SLC26A7: variants seen among roughly 807,000 people sequenced by gnomAD.
SLC26A7 encodes anion exchange transporter.
Under a neutral mutation model 82.5 loss-of-function variants are expected in SLC26A7, and 59 were observed. The ratio of observed to expected loss-of-function variants is 0.72; its 90% CI spans 0.58 to 0.89. The LOEUF (loss-of-function observed/expected upper bound fraction) is 0.89, where lower values mean the gene tolerates loss of function less well. Ranked by LOEUF, SLC26A7 falls within the 40% of genes least tolerant of loss-of-function variation. The pLI, the probability that SLC26A7 is intolerant of heterozygous loss-of-function variation, is 0.00. For missense variants in SLC26A7, 820 were observed against 793.0 expected (o/e 1.03, Z -0.41); for synonymous variants, 271 against 274.3 (o/e 0.99, Z 0.12).
intron 2 of SLC26A7, among the ~76,000 whole-genome samples, chr8:91,251,182 T>C (rs1810646940): frequency 6.6e-6 from 1 of 152,094 alleles, no homozygotes; most frequent in Non-Finnish European, 1.5e-5. Flanking sequence ...AATAAGACAA[T>C]TTGAGGATAA....
chr8:91,388,860 G>GTT (rs565009099), intron 15 of SLC26A7, among the ~76,000 whole-genome samples: 1 of 145,520 alleles, frequency 6.9e-6, no homozygotes, highest in Non-Finnish European at 1.5e-5. Flanking sequence ...TAGCAATGGA[G>GTT]TTTTTTTTTT....
chr8:91,328,710 G>T (rs532128293), intron 5 of SLC26A7, among the ~76,000 whole-genome samples: 5 of 151,934 alleles, frequency 3.3e-5, no homozygotes, highest in African/African-American at 9.7e-5. Flanking sequence ...AGCTTATAAA[G>T]AAAGGCAAAT....
chr8:91,392,992 A>G (rs969179068), intron 16 of SLC26A7, among the ~76,000 whole-genome samples: 11 of 152,208 alleles, frequency 7.2e-5, no homozygotes, highest in Non-Finnish European at 1.3e-4. Context: ...TTCTTCTCAC[A>G]TAGAACTTCT....
chr8:91,226,630 T>G (rs181629839), intron 2 of SLC26A7, among the ~76,000 whole-genome samples: 3 of 152,252 alleles, frequency 2.0e-5, no homozygotes, highest in African/African-American at 7.2e-5. Flanking sequence ...TGAACAAAAC[T>G]GGCAGGGCCC....
intron 2 of SLC26A7, among the ~76,000 whole-genome samples, chr8:91,254,265 C>A (rs1810740990): frequency 6.6e-6 from 1 of 152,074 alleles, no homozygotes. Flanking sequence ...AATCTGCAGG[C>A]CCTTAAGAGA....
At chr8:91,312,972 A>G (rs572792933) in intron 4 of SLC26A7, among the ~76,000 whole-genome samples, 1 of 152,188 alleles carries the variant, frequency 6.6e-6, no homozygotes, top group South Asian at 2.1e-4. Flanking sequence ...GAGTCTTTAG[A>G]TGCACAGATT....
chr8:91,306,025 C>T (rs373153034), intron 4 of SLC26A7, among the ~76,000 whole-genome samples: 99 of 152,216 alleles, frequency 6.5e-4, no homozygotes, highest in African/African-American at 2.1e-3. Flanking sequence ...TGTAAAACTC[C>T]CTTTTCACTA....
At chr8:91,389,198 C>T (rs1230147002) in intron 15 of SLC26A7, 140 bp from the exon 16 acceptor site, 2 of 637,796 alleles carry the variant, frequency 3.1e-6, no homozygotes, top group Non-Finnish European at 2.8e-6. Flanking sequence ...TAATAATTTA[C>T]TGAAAAATGT....
intron 2 of SLC26A7, among the ~76,000 whole-genome samples, chr8:91,265,092 T>C (rs1811075086): frequency 6.6e-6 from 1 of 152,082 alleles, no homozygotes; most frequent in African/African-American, 2.4e-5. Context: ...TCTCTACTTC[T>C]ATGAGATAAA....
At chr8:91,363,404 G>GA (rs1814103141) in intron 12 of SLC26A7, 68 bp from the exon 13 acceptor site, 1 of 921,766 alleles carries the variant, frequency 1.1e-6, no homozygotes, top group Non-Finnish European at 1.7e-6. Context: ...GACTACTTTT[G>GA]GTTTCTTCAT....
chr8:91,344,430 A>C (rs1444943666), intron 9 of SLC26A7, among the ~76,000 whole-genome samples: 1 of 152,202 alleles, frequency 6.6e-6, no homozygotes, highest in African/African-American at 2.4e-5. Flanking sequence ...GATAGGAATC[A>C]AATGAGAACT....
intron 3 of SLC26A7, 57 bp downstream of exon 3, chr8:91,289,303 A>T: frequency 3.9e-6 from 5 of 1,282,918 alleles, no homozygotes; most frequent in Non-Finnish European, 3.4e-6. Flanking sequence ...CTTAGTGATT[A>T]TTACTGATTA....
At chr8:91,342,121 G>T (rs1418322781) in intron 8 of SLC26A7, among the ~76,000 whole-genome samples, 1 of 151,660 alleles carries the variant, frequency 6.6e-6, no homozygotes, top group Non-Finnish European at 1.5e-5. Flanking sequence ...TTAAACATGG[G>T]GGTCTTGCTG....
chr8:91,312,467 C>A (rs1351005757), intron 4 of SLC26A7, among the ~76,000 whole-genome samples: 1 of 152,018 alleles, frequency 6.6e-6, no homozygotes, highest in Non-Finnish European at 1.5e-5. Flanking sequence ...CATGTATACC[C>A]CAAAATGGAA....
chr8:91,289,922 T>C (rs971860238), intron 3 of SLC26A7, among the ~76,000 whole-genome samples: 12 of 152,144 alleles, frequency 7.9e-5, no homozygotes, highest in Non-Finnish European at 1.5e-4. Context: ...TGGGTGCATA[T>C]CTTATTTGTT....
At chr8:91,332,001 CT>C (rs1813094720) in intron 5 of SLC26A7, among the ~76,000 whole-genome samples, 1 of 151,254 alleles carries the variant, frequency 6.6e-6, no homozygotes, top group South Asian at 2.1e-4. Flanking sequence ...TTTTCTATGA[CT>C]TCAGGTTTTA....
chr8:91,370,461 A>G (rs1028065325), intron 15 of SLC26A7, among the ~76,000 whole-genome samples: 4 of 152,034 alleles, frequency 2.6e-5, no homozygotes, highest in African/African-American at 4.8e-5. Context: ...AGGATTTATC[A>G]TGAAATATAT....
At chr8:91,245,161 A>T (rs186189454), upstream of SLC26A7, among the ~76,000 whole-genome samples, 409 of 152,308 alleles carry the variant, frequency 2.7e-3, 4 homozygotes, top group African/African-American at 9.5e-3. Flanking sequence ...AGAGGTTTAC[A>T]CTAAATTAAT....
intron 1 of SLC26A7, among the ~76,000 whole-genome samples, chr8:91,211,617 T>TATA (rs1491299767): frequency 1.4e-3 from 165 of 119,694 alleles, no homozygotes; most frequent in South Asian, 1.0e-3. Flanking sequence ...TATATATATA[T>TATA]TTTTTTTTTA....
Sources: allele counts gnomAD v4.1 joint callset (sites outside exome capture counted in the v4.1 genomes callset), GRCh38; gene constraint gnomAD v4.1.1; transcripts MANE v1.5; gene names NCBI Gene and HGNC (gene_info 2026-07-23, HGNC 2026-07-21).